The following SHLD2 variants were observed in gnomAD, a reference collection of about 807,000 sequenced individuals.
SHLD2 encodes RINN1-REV7-interacting novel NHEJ regulator 2.
SHLD2 carries 30 observed loss-of-function variants against 73.2 expected under a neutral mutation model. That is an observed-to-expected ratio of 0.41 (90% CI 0.31 to 0.56). SHLD2 has a LOEUF of 0.56. SHLD2 is among the 20% of genes least tolerant of loss of function. The pLI, the probability that SHLD2 is intolerant of heterozygous loss-of-function variation, is 0.28. For missense variants in SHLD2, 745 were observed against 1,055.9 expected, an observed-to-expected ratio of 0.71 and a Z score of 4.08; for synonymous variants, 285 against 370.1, an observed-to-expected ratio of 0.77 and a Z score of 2.64.
chr10:87,138,314 AAAG>A (rs1844943739), intron 2 of SHLD2, among the ~76,000 whole-genome samples: 1 of 151,920 alleles, frequency 6.6e-6, no homozygotes, highest in Non-Finnish European at 1.5e-5. Context: ...CAAAGAAAGA[AAAG>A]AAAAGAAAAA....
intron 2 of SHLD2, among the ~76,000 whole-genome samples, chr10:87,144,073 C>A (rs1845405565): frequency 6.6e-6 from 1 of 151,972 alleles, no homozygotes; most frequent in South Asian, 2.1e-4. Flanking sequence ...TCGTGTTAGC[C>A]AGGATGGTCT....
chr10:87,173,061 A>G, intron 6 of SHLD2, among the ~76,000 whole-genome samples: 1 of 149,102 alleles, frequency 6.7e-6, no homozygotes, highest in Non-Finnish European at 1.5e-5. Flanking sequence ...TTTTTGAGAC[A>G]GAGTTTCATT....
At chr10:87,177,297 G>A (rs1180216189) in intron 7 of SHLD2, among the ~76,000 whole-genome samples, 1 of 151,092 alleles carries the variant, frequency 6.6e-6, no homozygotes, top group East Asian at 1.9e-4. Context: ...CTAGAATTAG[G>A]TTTAAAAATA....
At chr10:87,116,288 G>C (rs1157145262) in intron 2 of SHLD2, among the ~76,000 whole-genome samples, 3 of 151,430 alleles carry the variant, frequency 2.0e-5, no homozygotes, top group Non-Finnish European at 2.9e-5. Flanking sequence ...ATAGTAGGTA[G>C]AGGGGCAGGC....
At chr10:87,135,225 T>C (rs1280024455) in intron 2 of SHLD2, among the ~76,000 whole-genome samples, 1 of 151,970 alleles carries the variant, frequency 6.6e-6, no homozygotes. Flanking sequence ...CTAATACTGA[T>C]ATATTTTCAT....
rs1177105328 is a variant in SHLD2, at chr10:87,152,829, CA to C, written c.1476del (p.Ala493HisfsTer12). The C allele has an allele frequency of 6.2e-7, 1 of 1,611,636 alleles. No individual in the cohort carries two copies. Among genetic ancestry groups the C allele is most frequent in the African/African-American group, 1.3e-5 (1 of 74,820 alleles). On this transcript the variant is annotated frameshift_variant, in exon 3 of 10. Coordinates refer to ENST00000298786, the MANE Select transcript of SHLD2 (RefSeq NM_001330112.2). LOFTEE classifies it high-confidence loss of function. ...TKKKVFLWRT[A>X]AFWAFTVFLG... ...AAGAAGGTTTTTCTGTGGAGGACTG[CA>C]GCATTTTGGGCATTTACAGTGTTTC... is the stretch of plus-strand genomic sequence containing the variant.
intron 8 of SHLD2, among the ~76,000 whole-genome samples, chr10:87,183,129 A>C (rs1210922318): frequency 6.6e-6 from 1 of 152,222 alleles, no homozygotes; most frequent in Non-Finnish European, 1.5e-5. Context: ...TGGTAGGAAT[A>C]AAAAGAAGTG....
chr10:87,181,218 CAAAA>C (rs1240727171), intron 8 of SHLD2, among the ~76,000 whole-genome samples: 5 of 108,324 alleles, frequency 4.6e-5, no homozygotes, highest in Non-Finnish European at 5.4e-5. Flanking sequence ...CCATCTCTAC[CAAAA>C]AAAAAAAAAA....
chr10:87,151,202 A>G, intron 2 of SHLD2, 148 bp from the exon 3 acceptor site: 2 of 491,228 alleles, frequency 4.1e-6, no homozygotes, highest in South Asian at 5.2e-5. Context: ...TATGAATTTT[A>G]TATAATTAAA....
chr10:87,187,637 C>T (rs1848699284), intron 9 of SHLD2, among the ~76,000 whole-genome samples: 1 of 152,222 alleles, frequency 6.6e-6, no homozygotes, highest in South Asian at 2.1e-4. Context: ...TTCCTGTTCT[C>T]ATTAGCCTCA....
intron 6 of SHLD2, among the ~76,000 whole-genome samples, chr10:87,173,212 G>T (rs1201170458): frequency 2.0e-5 from 3 of 151,716 alleles, no homozygotes; most frequent in African/African-American, 7.3e-5. Context: ...ATTTTTAGTA[G>T]AGACGAGGTT....
At chr10:87,158,947 T>C (rs1209068878) in intron 4 of SHLD2, among the ~76,000 whole-genome samples, 2 of 152,226 alleles carry the variant, frequency 1.3e-5, no homozygotes, top group Non-Finnish European at 2.9e-5. Context: ...CCTTATAGGG[T>C]TGTTATGAAG....
chr10:87,186,945 A>G (rs1848659148), intron 8 of SHLD2, 140 bp from the exon 9 acceptor site: 3 of 525,032 alleles, frequency 5.7e-6, no homozygotes, highest in Non-Finnish European at 1.0e-5. Context: ...CTAGGATGTC[A>G]CAGAACATCC....
chr10:87,186,438 A>G (rs1428160557), intron 8 of SHLD2, among the ~76,000 whole-genome samples: 5 of 152,198 alleles, frequency 3.3e-5, no homozygotes, highest in African/African-American at 4.8e-5. Context: ...ACCCTCTCTC[A>G]CCAGTGCTGC....
At chr10:87,178,602 G>A (rs1848102040) in intron 7 of SHLD2, among the ~76,000 whole-genome samples, 1 of 151,596 alleles carries the variant, frequency 6.6e-6, no homozygotes, top group Non-Finnish European at 1.5e-5. Context: ...TGTAGTCCCA[G>A]CTACTCAGGA....
intron 2 of SHLD2, among the ~76,000 whole-genome samples, chr10:87,128,407 C>G (rs10749544): frequency 5.9e-5 from 9 of 152,320 alleles, no homozygotes; most frequent in East Asian, 1.9e-4. Flanking sequence ...CTTGAAGAAG[C>G]CTTTTCCAGA....
intron 2 of SHLD2, chr10:87,115,238 CGGG>C (rs1564581401): frequency 6.6e-6 from 1 of 151,982 alleles, no homozygotes; most frequent in Non-Finnish European, 1.5e-5. Context: ...TTAGTAGAGA[CGGG>C]GGTTTCACCA....
chr10:87,110,885 C>A (rs1012379406), intron 2 of SHLD2, among the ~76,000 whole-genome samples: 3 of 151,494 alleles, frequency 2.0e-5, no homozygotes, highest in Admixed American at 6.6e-5. Context: ...TGCTCTGTTG[C>A]CCAGGCTGGA....
chr10:87,142,664 A>G (rs184273259), intron 2 of SHLD2, among the ~76,000 whole-genome samples: 7 of 152,328 alleles, frequency 4.6e-5, no homozygotes, highest in East Asian at 3.9e-4. Context: ...GATGATGCCA[A>G]GGTTTTTTGG....
Sources: allele counts gnomAD v4.1 joint callset (sites outside exome capture counted in the v4.1 genomes callset), GRCh38; gene constraint gnomAD v4.1.1; transcripts MANE v1.5; gene names NCBI Gene and HGNC (gene_info 2026-07-23, HGNC 2026-07-21).